The following PINK1 variants were observed in gnomAD, a reference collection of about 807,000 sequenced individuals.
PINK1 encodes the protein PTEN induced kinase 1.
A neutral mutation model predicts 56.0 loss-of-function variants in PINK1; 58 were observed. That is an observed-to-expected ratio of 1.04 (90% CI 0.84 to 1.29). The LOEUF (loss-of-function observed/expected upper bound fraction) is 1.29, where lower values mean the gene tolerates loss of function less well. Among genes scored for constraint, PINK1 ranks in the 50% most tolerant of loss-of-function variants. The pLI is 0.00. For synonymous variants in PINK1, 354 were observed against 339.3 expected (o/e 1.04, Z -0.48); for missense variants, 745 against 777.9 (o/e 0.96, Z 0.50).
At position 20,651,128 on chromosome 1, in the gene PINK1, C is replaced by G. The variant is rs1248158726; in HGVS notation, c.*437C>G. The G allele has an allele frequency of 3.9e-6, 1 of 258,352 alleles. No individual in the cohort carries two copies. The highest frequency in any genetic ancestry group is 9.3e-5 in the East Asian group (1 of 10,764). 16.0% of individuals were successfully genotyped at this position (258,352 alleles called of 1,614,324 possible). On this transcript the variant is annotated 3_prime_UTR_variant, in exon 8 of 8. Transcript: ENST00000321556. ...GTTCAGTTACGGGAGTGGGAAATTA[C>G]ATGAGGCCTGGGCCTCTGCGTTCCC... is the stretch of plus-strand genomic sequence containing the variant.
chr1:20,648,170 A>G, intron 5 of PINK1: 1 of 360,006 alleles, frequency 2.8e-6, no homozygotes, highest in Non-Finnish European at 5.3e-6. Context: ...ATTCAAATCA[A>G]AGTCTCCTGG....
chr1:20,650,846 T>TGA lies in PINK1; in HGVS notation c.*157_*158dup. 1 of 961,666 alleles carries TGA rather than the reference T, an allele frequency of 1.0e-6. No homozygotes were observed. Among genetic ancestry groups the TGA allele is most frequent in the Non-Finnish European group, 1.6e-6 (1 of 635,048 alleles). The allele number at this position is 961,666 out of a possible 1,614,324, so 59.6% of individuals were successfully genotyped here. Reference sequence around the variant, plus strand: ...CTCGGGCTTGGCAAATGGAAGAACTTGAGTGAGAGTTCAGTCTGCAGTCCT... The same window carrying TGA: ...CTCGGGCTTGGCAAATGGAAGAACTTGAGAGTGAGAGTTCAGTCTGCAGTCCT... On this transcript the variant is annotated 3_prime_UTR_variant, in exon 8 of 8. Coordinates refer to ENST00000321556, the MANE Select transcript of PINK1 (RefSeq NM_032409.3).
Position 20,648,205 on chromosome 1 carries a change from T to G in PINK1, c.1124-300T>G, listed in dbSNP as rs1010943316. 6.8e-6 allele frequency: 3 copies of G among 441,916 alleles called. No individual in the cohort carries two copies. The East Asian group carries it at 1.4e-4, about 21-fold the overall frequency. 27.4% of individuals were successfully genotyped at this position (441,916 alleles called of 1,614,324 possible). ...GGGTATAAGGGCCCTTGGAGATCATTTGAACCAAGCTCTAGCTCCTTTGGT... is the reference window on the plus strand; with the variant it reads ...GGGTATAAGGGCCCTTGGAGATCATGTGAACCAAGCTCTAGCTCCTTTGGT... On this transcript the variant is annotated intron_variant, in intron 5 of 7. Transcript: ENST00000321556.
At chr1:20,639,737 T>C in intron 2 of PINK1, 155 bp from the exon 3 acceptor site, 1 of 712,196 alleles carries the variant, frequency 1.4e-6, no homozygotes, top group Non-Finnish European at 2.5e-6. Flanking sequence ...GAGTAACTAG[T>C]CTCAGCCTGC....
intron 1 of PINK1, among the ~76,000 whole-genome samples, chr1:20,636,557 T>A (rs2053059100): frequency 6.6e-6 from 1 of 152,184 alleles, no homozygotes; most frequent in Non-Finnish European, 1.5e-5. Flanking sequence ...TTGGCCAGGC[T>A]GGTCTTGAAC....
In PINK1 at chr1:20,651,015, C is replaced by A; in HGVS notation, c.*324C>A. On this transcript the variant is annotated 3_prime_UTR_variant, in exon 8 of 8. Transcript: ENST00000321556. ...GCAGAGTTTGGCTGTGACCTTTGCCCCTAACACGAGGAACTCGTTTGAAGG... is the reference window on the plus strand; with the variant it reads ...GCAGAGTTTGGCTGTGACCTTTGCCACTAACACGAGGAACTCGTTTGAAGG... The A allele has an allele frequency of 2.4e-6, 1 of 412,112 alleles. No homozygotes were observed. The highest frequency in any genetic ancestry group is 4.6e-6 in the Non-Finnish European group (1 of 218,938). The allele number at this position is 412,112 out of a possible 1,614,324, so 25.5% of individuals were successfully genotyped here.
Position 20,650,610 on chromosome 1 carries a change from G to A in PINK1, c.1665G>A (p.Lys555=). The A allele has an allele frequency of 6.2e-7, 1 of 1,614,202 alleles. No individual in the cohort carries two copies. The highest frequency in any genetic ancestry group is 2.2e-5 in the East Asian group (1 of 44,886). The change falls in exon 8 of 8, where the codon AAG becomes AAA. Residue 555 remains lysine, a synonymous_variant. Coordinates refer to ENST00000321556, the MANE Select transcript of PINK1 (RefSeq NM_032409.3). The stretch of plus-strand genomic sequence containing the variant: ...AGTGTTGTGTGGAAACAAAAATGAA[G>A]ATGCTCTTTCTGGCTAACCTGGAGT... ...TEKCCVETKM[K]MLFLANLECE... is the part of the protein sequence containing the mutation.
chr1:20,650,223 G>A, intron 7 of PINK1: 1 of 646,800 alleles, frequency 1.5e-6, no homozygotes, highest in East Asian at 2.8e-5. Context: ...AATGCATGCT[G>A]CCCCATGCAG....
chr1:20,638,734 C>G (rs185008491), intron 2 of PINK1: 144 of 161,406 alleles, frequency 8.9e-4, no homozygotes, highest in Non-Finnish European at 1.6e-3. Flanking sequence ...CCAATAAGCT[C>G]CCACGTGATA....
chr1:20,637,162 G>A (rs1314526381), intron 1 of PINK1, among the ~76,000 whole-genome samples: 3 of 152,234 alleles, frequency 2.0e-5, no homozygotes, highest in South Asian at 2.1e-4. Context: ...GAGGGAAAGC[G>A]GAGCCTGGGT....
rs2154533985 is a variant in PINK1 at position 20,648,500 on chromosome 1, C to T, written c.1124-5C>T. The T allele has an allele frequency of 3.1e-6, 5 of 1,614,118 alleles. No individual in the cohort carries two copies. The highest frequency in any genetic ancestry group is 4.2e-6 in the Non-Finnish European group (5 of 1,180,002). On this transcript the variant is annotated splice_polypyrimidine_tract_variant and splice_region_variant and intron_variant, in intron 5 of 7. Coordinates refer to ENST00000321556, the MANE Select transcript of PINK1 (RefSeq NM_032409.3). ...GAAATGGTCACTTTGCTTGCTCCTT[C>T]CCAGACGGCTGCCCCTGGCTGGTGA...
In PINK1 at chr1:20,650,465, T is replaced by A; in HGVS notation, c.1520T>A (p.Leu507His). 1 of 1,614,082 alleles carries A rather than the reference T, an allele frequency of 6.2e-7. No homozygotes were observed. The change falls in exon 8 of 8, where the codon CTT (leucine) becomes CAT (histidine). Residue 507 changes from leucine (L) to histidine (H), a missense_variant. Leu to His is a moderately conservative substitution (Grantham distance 99). Transcript: ENST00000321556. ...TCTGCCCGAGTAGCCGCAAATGTGC[T>A]TCATCTAAGCCTCTGGGGTGAACAT... ...RPSARVAANV[L>H]HLSLWGEHIL... is the part of the protein sequence containing the mutation.
chr1:20,644,373 A>G, intron 3 of PINK1, 117 bp from the exon 4 acceptor site: 1 of 1,213,940 alleles, frequency 8.2e-7, no homozygotes, highest in Admixed American at 1.7e-5. Context: ...TATGATAAAC[A>G]TTTGATAGTA....
chr1:20,649,189 G>T lies in PINK1; in HGVS notation c.1446G>T (p.Val482=). 1 of 1,614,174 alleles carries T rather than the reference G, an allele frequency of 6.2e-7. No homozygotes were observed. Among genetic ancestry groups the T allele is most frequent in the Non-Finnish European group, 8.5e-7 (1 of 1,180,032 alleles). The change falls in exon 7 of 8, where the codon GTG becomes GTT. Residue 482 remains valine, a synonymous_variant. Coordinates refer to ENST00000321556, the MANE Select transcript of PINK1 (RefSeq NM_032409.3). ...PALPESVPPD[V]RQLVRALLQR... The stretch of plus-strand genomic sequence containing the variant: ...TGCCCGAGTCAGTGCCTCCAGACGT[G>T]AGACAGTTGGTGAGGGCACTGCTCC...
Position 20,650,487 on chromosome 1 carries a change from A to G in PINK1, c.1542A>G (p.Glu514=), listed in dbSNP as rs1013932116. Residue 514 remains glutamate (E), a synonymous_variant, in exon 8 of 8, where the codon GAA becomes GAG. Coordinates refer to ENST00000321556, the MANE Select transcript of PINK1 (RefSeq NM_032409.3). ...ANVLHLSLWG[E]HILALKNLKL... ...TGCTTCATCTAAGCCTCTGGGGTGA[A>G]CATATTCTAGCCCTGAAGAATCTGA... 6 of 1,614,150 alleles carry G rather than the reference A, an allele frequency of 3.7e-6. No individual in the cohort carries two copies. Among genetic ancestry groups the G allele is most frequent in the Non-Finnish European group, 5.1e-6 (6 of 1,179,998 alleles).
Position 20,633,476 on chromosome 1 carries a change from T to C in PINK1, c.-73T>C, listed in dbSNP as rs979219428. The C allele has an allele frequency of 2.0e-5, 21 of 1,036,280 alleles. No homozygotes were observed. The highest frequency in any genetic ancestry group is 2.5e-5 in the Non-Finnish European group (21 of 853,584). The allele number at this position is 1,036,280 out of a possible 1,614,324, so 64.2% of individuals were successfully genotyped here. A position where few individuals can be genotyped will look rare whatever the true frequency, so the allele number is the denominator to read the frequency against. ...CCTGCGCAGAGGCACCGCCCCAAGTTTGTTGTGACCGGCGGGGGACGCCGG... is the reference window on the plus strand; with the variant it reads ...CCTGCGCAGAGGCACCGCCCCAAGTCTGTTGTGACCGGCGGGGGACGCCGG... On this transcript the variant is annotated 5_prime_UTR_variant, in exon 1 of 8. Coordinates refer to ENST00000321556, the MANE Select transcript of PINK1 (RefSeq NM_032409.3).
Position 20,634,791 on chromosome 1 carries a change from G to C in PINK1, c.387+856G>C, listed in dbSNP as rs1427226312. Among the ~76,000 whole-genome samples, 20 of 152,194 alleles carry C rather than the reference G, an allele frequency of 1.3e-4. 1 individual carries two copies. The highest frequency in any genetic ancestry group is 1.5e-5 in the Non-Finnish European group (1 of 68,028). ...GGTCACTCTTCTTCCTGGGGGTGTA[G>C]AACCACTCACTAAATTAGCATAGCC... On this transcript the variant is annotated intron_variant, in intron 1 of 7. Transcript: ENST00000321556.
rs545810914 is a variant in PINK1, at chr1:20,645,822, C to A, written c.1123+99C>A. The A allele has an allele frequency of 1.0e-5, 10 of 987,256 alleles. No homozygotes were observed. In the African/African-American group the frequency reaches 1.3e-4, roughly 13 times the overall value. The allele number at this position is 987,256 out of a possible 1,614,324, so 61.2% of individuals were successfully genotyped here. ...TTCAGGTCCTCTCTGGTTTTGTGTT[C>A]TAAGTCATGTCTTTATTTAGCTCCG... On this transcript the variant is annotated intron_variant, in intron 5 of 7. Coordinates refer to ENST00000321556, the MANE Select transcript of PINK1 (RefSeq NM_032409.3).
chr1:20,640,005 T>A lies in PINK1; in HGVS notation c.776+13T>A, dbSNP rs1423145131. 6.3e-7 allele frequency: 1 copy of A among 1,589,898 alleles called. No homozygotes were observed. The highest frequency in any genetic ancestry group is 8.6e-7 in the Non-Finnish European group (1 of 1,168,594). On this transcript the variant is annotated intron_variant, in intron 3 of 7. Coordinates refer to ENST00000321556, the MANE Select transcript of PINK1 (RefSeq NM_032409.3). ...CAGTCACTTACAGGTAAGTGCCCTC[T>A]GCCTGCCAGACTGACTGGGACTTCT... is the stretch of plus-strand genomic sequence containing the variant.
Sources: allele counts gnomAD v4.1 joint callset (sites outside exome capture counted in the v4.1 genomes callset), GRCh38; gene constraint gnomAD v4.1.1; transcripts MANE v1.5; gene names NCBI Gene and HGNC (gene_info 2026-07-23, HGNC 2026-07-21).